Variants in CCDC7 observed in about 807,000 individuals in gnomAD.
CCDC7 encodes the protein coiled-coil domain containing 7.
CCDC7 carries 183 observed loss-of-function variants against 196.9 expected under a neutral mutation model. That is an observed-to-expected ratio of 0.93 (90% CI 0.82 to 1.05). CCDC7 has a LOEUF of 1.05. Among genes scored for constraint, CCDC7 ranks in the 50% least tolerant of loss-of-function variants. The pLI is 0.00. For missense variants in CCDC7, 1,540 were observed against 1,482.2 expected, an observed-to-expected ratio of 1.04 and a Z score of -0.64; for synonymous variants, 525 against 484.6, an observed-to-expected ratio of 1.08 and a Z score of -1.10.
intron 21 of CCDC7, among the ~76,000 whole-genome samples, chr10:32,667,556 G>A (rs889325066): frequency 1.3e-5 from 2 of 152,134 alleles, no homozygotes; most frequent in East Asian, 1.9e-4. Flanking sequence ...TAAGGTGTAA[G>A]GAAGGGATCC....
At chr10:32,501,148 C>T (rs180878857) in intron 9 of CCDC7, among the ~76,000 whole-genome samples, 11 of 152,028 alleles carry the variant, frequency 7.2e-5, no homozygotes, top group Admixed American at 6.5e-4. Flanking sequence ...TCTCTGATAT[C>T]CTTTCTTCCG....
intron 24 of CCDC7, among the ~76,000 whole-genome samples, chr10:32,710,493 G>T (rs1032256599): frequency 6.6e-6 from 1 of 152,198 alleles, no homozygotes; most frequent in Non-Finnish European, 1.5e-5. Context: ...GCCCCACCAG[G>T]CATCTTTGCC....
At chr10:32,797,490 C>A (rs2083845147) in intron 29 of CCDC7, among the ~76,000 whole-genome samples, 1 of 151,828 alleles carries the variant, frequency 6.6e-6, no homozygotes, top group Non-Finnish European at 1.5e-5. Flanking sequence ...AAGAATGACA[C>A]AATGGACTTT....
At chr10:32,730,687 A>G (rs1190506240) in intron 28 of CCDC7, among the ~76,000 whole-genome samples, 1 of 151,976 alleles carries the variant, frequency 6.6e-6, no homozygotes, top group Admixed American at 6.6e-5. Flanking sequence ...TATATCATTA[A>G]CATATAGTAA....
intron 28 of CCDC7, among the ~76,000 whole-genome samples, chr10:32,768,944 C>T (rs2078739670): frequency 6.6e-6 from 1 of 152,090 alleles, no homozygotes; most frequent in Non-Finnish European, 1.5e-5. Flanking sequence ...ATTTTTTCAA[C>T]TATAATCAGC....
At chr10:32,480,879 G>C (rs1191510223) in intron 8 of CCDC7, among the ~76,000 whole-genome samples, 1 of 152,142 alleles carries the variant, frequency 6.6e-6, no homozygotes, top group Non-Finnish European at 1.5e-5. Context: ...GTAAAGTGTG[G>C]TTAAAATGTA....
At chr10:32,794,512 G>C (rs551512041) in intron 29 of CCDC7, among the ~76,000 whole-genome samples, 1 of 152,266 alleles carries the variant, frequency 6.6e-6, no homozygotes, top group South Asian at 2.1e-4. Flanking sequence ...GCTTTCCACA[G>C]TGGCTGAACT....
At chr10:32,492,592 G>A (rs1422315066) in intron 9 of CCDC7, among the ~76,000 whole-genome samples, 2 of 152,004 alleles carry the variant, frequency 1.3e-5, no homozygotes, top group Non-Finnish European at 2.9e-5. Flanking sequence ...CCACAAAAAA[G>A]ACAAATGCAA....
chr10:32,594,761 C>T (rs905840046), intron 18 of CCDC7, among the ~76,000 whole-genome samples: 2 of 152,008 alleles, frequency 1.3e-5, no homozygotes, highest in Admixed American at 6.6e-5. Flanking sequence ...TAGCATGAAG[C>T]GCTGTTGAAT....
intron 11 of CCDC7, among the ~76,000 whole-genome samples, chr10:32,542,367 T>C (rs1041176333): frequency 7.2e-5 from 11 of 152,180 alleles, no homozygotes; most frequent in Admixed American, 5.2e-4. Flanking sequence ...GTGCAGTGTC[T>C]CGTGCCTGTA....
intron 28 of CCDC7, among the ~76,000 whole-genome samples, chr10:32,732,407 G>A (rs1180515572): frequency 3.3e-5 from 5 of 152,132 alleles, no homozygotes; most frequent in East Asian, 1.9e-4. Context: ...ATGTATGTGC[G>A]TATATTCATG....
chr10:32,774,703 C>G (rs2079699127), intron 28 of CCDC7, among the ~76,000 whole-genome samples: 1 of 152,074 alleles, frequency 6.6e-6, no homozygotes, highest in African/African-American at 2.4e-5. Context: ...GCTTACACCA[C>G]TCTGTGATTT....
intron 28 of CCDC7, among the ~76,000 whole-genome samples, chr10:32,743,449 C>T (rs369998734): frequency 1.3e-5 from 2 of 152,050 alleles, no homozygotes; most frequent in African/African-American, 2.4e-5. Context: ...CTGCCATTGC[C>T]TTTGGTGTTT....
At chr10:32,782,966 G>A (rs930200682) in intron 29 of CCDC7, among the ~76,000 whole-genome samples, 23 of 152,114 alleles carry the variant, frequency 1.5e-4, no homozygotes, top group African/African-American at 5.5e-4. Context: ...AGATAGTCAC[G>A]TCAAAAGAAT....
intron 41 of CCDC7, among the ~76,000 whole-genome samples, chr10:32,860,924 T>A (rs939255915): frequency 2.6e-4 from 39 of 151,920 alleles, no homozygotes; most frequent in African/African-American, 5.1e-4. Context: ...CATAAATAAA[T>A]GGAAAAACAT....
At chr10:32,748,386 G>A (rs535119693) in intron 28 of CCDC7, among the ~76,000 whole-genome samples, 3 of 152,058 alleles carry the variant, frequency 2.0e-5, no homozygotes, top group Non-Finnish European at 4.4e-5. Context: ...TGTAACTTTT[G>A]TACATTAACC....
intron 29 of CCDC7, among the ~76,000 whole-genome samples, chr10:32,783,542 T>C (rs374530288): frequency 9.8e-5 from 15 of 152,350 alleles, no homozygotes; most frequent in East Asian, 7.7e-4. Context: ...ATAGGAACTT[T>C]TGTAAATTGT....
chr10:32,486,696 A>G (rs1424978691), intron 8 of CCDC7, among the ~76,000 whole-genome samples: 1 of 119,558 alleles, frequency 8.4e-6, no homozygotes, highest in Non-Finnish European at 1.7e-5. Context: ...GATGGTGACA[A>G]AATCTCTCAG....
chr10:32,560,369 G>A (rs1379746041), intron 13 of CCDC7, among the ~76,000 whole-genome samples: 3 of 152,190 alleles, frequency 2.0e-5, no homozygotes, highest in African/African-American at 7.2e-5. Context: ...ACACATAATT[G>A]TCAGATTCAC....
Sources: gnomAD v4.1 joint callset for allele counts (sites outside exome capture counted in the v4.1 genomes callset) on GRCh38, gnomAD v4.1.1 for gene constraint, MANE v1.5 for transcripts, NCBI Gene and HGNC (gene_info 2026-07-23, HGNC 2026-07-21) for gene names.